ANO5: variants seen among roughly 807,000 people sequenced by gnomAD.
ANO5 encodes anoctamin 5, also known as anoctamin-5.
Under a neutral mutation model 121.0 loss-of-function variants are expected in ANO5, and 109 were observed. The observed-to-expected ratio is 0.90, with a 90% CI of 0.77 to 1.06. The LOEUF (loss-of-function observed/expected upper bound fraction) is 1.06. Among genes scored for constraint, ANO5 ranks in the 50% least tolerant of loss-of-function variants. ANO5 has a pLI of 0.00. For synonymous variants in ANO5, 406 were observed against 359.9 expected, an observed-to-expected ratio of 1.13 and a Z score of -1.45; for missense variants, 1,064 against 1,078.5, an observed-to-expected ratio of 0.99 and a Z score of 0.19.
intron 9 of ANO5, among the ~76,000 whole-genome samples, chr11:22,241,501 A>T (rs1233977597): frequency 6.6e-6 from 1 of 152,066 alleles, no homozygotes. Flanking sequence ...ATTAATTTTC[A>T]TTCCCATCAA....
chr11:22,205,535 C>T (rs1179531032), intron 2 of ANO5, among the ~76,000 whole-genome samples: 2 of 95,020 alleles, frequency 2.1e-5, no homozygotes, highest in African/African-American at 4.3e-5. Context: ...CCCAGGCTGT[C>T]TCAAAATAAA....
chr11:22,256,922 T>A (rs997454542), intron 13 of ANO5, among the ~76,000 whole-genome samples: 5 of 152,164 alleles, frequency 3.3e-5, no homozygotes, highest in Non-Finnish European at 5.9e-5. Flanking sequence ...CATATATGCC[T>A]ACATGCACAC....
In ANO5 at chr11:22,279,577, T is replaced by C. The variant is rs1405710743; in HGVS notation, c.2554T>C (p.Trp852Arg). The C allele has an allele frequency of 4.3e-6, 7 of 1,612,824 alleles. No individual in the cohort carries two copies. In the South Asian group the frequency reaches 6.6e-5, roughly 15 times the overall value. Residue 852 changes from tryptophan (W) to arginine (R), a missense_variant, in exon 22 of 22, where the codon TGG (tryptophan) becomes CGG (arginine). Physicochemically the swap from Trp to Arg is moderately radical, Grantham distance 101. Transcript: ENST00000324559. ...VVFLVKFLLA[W>R]MIPDVPKDVV... ...GTTTTTAGTTAAATTTTTGCTGGCC[T>C]GGATGATACCTGATGTTCCAAAAGA...
chr11:22,253,094 A>G (rs1349520482), intron 12 of ANO5, among the ~76,000 whole-genome samples: 2 of 152,156 alleles, frequency 1.3e-5, no homozygotes, highest in Non-Finnish European at 2.9e-5. Flanking sequence ...TTTAAATGCT[A>G]ATTGTATTCC....
chr11:22,250,625 G>C, intron 10 of ANO5, 116 bp from the exon 11 acceptor site: 1 of 1,137,478 alleles, frequency 8.8e-7, no homozygotes, highest in South Asian at 1.3e-5. Flanking sequence ...ATTGCTGCTT[G>C]ATTGCCCCTT....
Position 22,259,459 on chromosome 11 carries a change from T to C in ANO5, c.1408-60T>C, listed in dbSNP as rs1394410727. 3 of 1,434,768 alleles carry C rather than the reference T, an allele frequency of 2.1e-6. No homozygotes were observed. The African/African-American group carries it at 4.2e-5, about 20-fold the overall frequency. 88.9% of individuals were successfully genotyped at this position (1,434,768 alleles called of 1,614,324 possible). A position where few individuals can be genotyped will look rare whatever the true frequency, so the allele number is the denominator to read the frequency against. On this transcript the variant is annotated intron_variant, in intron 14 of 21. Transcript: ENST00000324559. ...TGAACAGAATAATCAATATGTTAGA[T>C]ATATATTCATAACAGAGATACAGAG...
chr11:22,249,934 C>G (rs539974839), intron 9 of ANO5, among the ~76,000 whole-genome samples: 10 of 152,244 alleles, frequency 6.6e-5, no homozygotes, highest in African/African-American at 2.4e-4. Flanking sequence ...AATACAGAGG[C>G]TTTCCAAATT....
intron 3 of ANO5, among the ~76,000 whole-genome samples, chr11:22,212,633 C>G (rs1384524344): frequency 2.0e-5 from 3 of 151,912 alleles, no homozygotes; most frequent in African/African-American, 7.2e-5. Context: ...TTGCCTGTCT[C>G]ATGGTACTGA....
At chr11:22,204,608 C>T (rs1040750989) in intron 2 of ANO5, among the ~76,000 whole-genome samples, 1 of 151,986 alleles carries the variant, frequency 6.6e-6, no homozygotes, top group African/African-American at 2.4e-5. Context: ...TGGATAAGCT[C>T]ATTAAGATTC....
At chr11:22,222,645 T>C (rs1852691595) in intron 5 of ANO5, among the ~76,000 whole-genome samples, 1 of 151,980 alleles carries the variant, frequency 6.6e-6, no homozygotes, top group Non-Finnish European at 1.5e-5. Context: ...CAATTTTAAT[T>C]ACTCTGTTAC....
chr11:22,246,006 G>A (rs1853601918), intron 9 of ANO5, among the ~76,000 whole-genome samples: 1 of 152,096 alleles, frequency 6.6e-6, no homozygotes, highest in South Asian at 2.1e-4. Context: ...AGCTTCCTGT[G>A]AGTCTCACAG....
At position 22,262,960 on chromosome 11, in the gene ANO5, C is replaced by T; in HGVS notation, c.1815C>T (p.Gly605=). 1 of 1,613,034 alleles carries T rather than the reference C, an allele frequency of 6.2e-7. No homozygotes were observed. The highest frequency in any genetic ancestry group is 8.5e-7 in the Non-Finnish European group (1 of 1,179,176). ...EWRSEECDPG[G]CLIELTTQLT... ...CTTCTGACTAGTGTGATCCTGGAGG[C>T]TGTCTTATAGAATTGACAACCCAAT... Residue 605 remains glycine (G), a synonymous_variant, in exon 17 of 22, where the codon GGC becomes GGT. Coordinates refer to ENST00000324559, the MANE Select transcript of ANO5 (RefSeq NM_213599.3).
At chr11:22,257,007 T>C (rs890181761) in intron 13 of ANO5, among the ~76,000 whole-genome samples, 1 of 152,162 alleles carries the variant, frequency 6.6e-6, no homozygotes, top group East Asian at 1.9e-4. Context: ...CAGACCACCC[T>C]AAAAATTCTT....
At position 22,279,627 on chromosome 11, in the gene ANO5, A is replaced by C; in HGVS notation, c.2604A>C (p.Glu868Asp). 1.2e-6 allele frequency: 2 copies of C among 1,613,076 alleles called. No individual in the cohort carries two copies. The highest frequency in any genetic ancestry group is 8.5e-7 in the Non-Finnish European group (1 of 1,179,226). ...ATGTTGTGGAGAGAATCAAGAGAGAAAAGTTAATGACTATCAAGATTCTCC... is the reference window on the plus strand; with the variant it reads ...ATGTTGTGGAGAGAATCAAGAGAGACAAGTTAATGACTATCAAGATTCTCC... ...PKDVVERIKR[E>D]KLMTIKILHD... The change falls in exon 22 of 22, where the codon GAA (glutamate) becomes GAC (aspartate). Residue 868 changes from glutamate to aspartate, a missense_variant. Physicochemically the swap from Glu to Asp is conservative, Grantham distance 45 (BLOSUM62 2). Transcript: ENST00000324559.
At chr11:22,192,775 A>T (rs1019263828), upstream of ANO5, among the ~76,000 whole-genome samples, 8 of 152,200 alleles carry the variant, frequency 5.3e-5, no homozygotes, top group Non-Finnish European at 8.8e-5. Context: ...GGGTGGACCC[A>T]GTGGAAAAGG....
chr11:22,278,788 T>A (rs1854965348), intron 21 of ANO5, among the ~76,000 whole-genome samples: 1 of 151,800 alleles, frequency 6.6e-6, no homozygotes, highest in African/African-American at 2.4e-5. Flanking sequence ...TAGCTGTCTA[T>A]TGAGATATTT....
chr11:22,254,328 G>T (rs2133717956), intron 12 of ANO5, among the ~76,000 whole-genome samples: 1 of 152,184 alleles, frequency 6.6e-6, no homozygotes. Context: ...TTTTATAGAT[G>T]ATACAATTAT....
intron 1 of ANO5, among the ~76,000 whole-genome samples, chr11:22,203,366 G>A (rs1023445196): frequency 5.9e-5 from 9 of 152,124 alleles, no homozygotes; most frequent in African/African-American, 2.2e-4. Flanking sequence ...ACTCTGGCCT[G>A]TGTAGAAACT....
chr11:22,227,272 T>C (rs745872274), intron 6 of ANO5, 30 bp from the exon 7 acceptor site: 1 of 1,606,148 alleles, frequency 6.2e-7, no homozygotes, highest in Non-Finnish European at 8.5e-7. Flanking sequence ...TCAGTAAGCT[T>C]TCTGCTGTTT....
Sources: allele counts gnomAD v4.1 joint callset (sites outside exome capture counted in the v4.1 genomes callset), GRCh38; gene constraint gnomAD v4.1.1; transcripts MANE v1.5; gene names NCBI Gene and HGNC (gene_info 2026-07-23, HGNC 2026-07-21).